The following LAMA4 variants were observed in gnomAD, a reference collection of about 807,000 sequenced individuals.
The protein encoded by LAMA4 is laminin subunit alpha 4, also known as laminin subunit alpha-4.
In LAMA4, 127 loss-of-function variants were observed where a neutral mutation model predicts 207.1. The observed-to-expected ratio is 0.61, with a 90% CI of 0.53 to 0.71. The LOEUF is 0.71. Among genes scored for constraint, LAMA4 ranks in the 30% least tolerant of loss-of-function variants. LAMA4 has a pLI of 0.00. For synonymous variants in LAMA4, 761 were observed against 816.0 expected (o/e 0.93, Z 1.15); for missense variants, 2,093 against 2,246.5 (o/e 0.93, Z 1.38).
intron 19 of LAMA4, among the ~76,000 whole-genome samples, chr6:112,143,826 T>C (rs1228253784): frequency 6.6e-6 from 1 of 152,218 alleles, no homozygotes; most frequent in Non-Finnish European, 1.5e-5. Context: ...AAAACCTAGC[T>C]TTTAGAATGC....
chr6:112,187,284 T>C, intron 8 of LAMA4, 166 bp downstream of exon 8: 3 of 825,224 alleles, frequency 3.6e-6, no homozygotes, highest in Non-Finnish European at 6.0e-6. Context: ...CAACTTTTCA[T>C]AATTTCCTAT....
intron 20 of LAMA4, among the ~76,000 whole-genome samples, chr6:112,141,834 C>T (rs1299819268): frequency 6.6e-6 from 1 of 152,184 alleles, no homozygotes; most frequent in Non-Finnish European, 1.5e-5. Context: ...CAGCATCAAA[C>T]AGAATAGGCT....
chr6:112,193,263 T>A (rs1554349634), intron 5 of LAMA4, among the ~76,000 whole-genome samples: 1 of 152,034 alleles, frequency 6.6e-6, no homozygotes, highest in Non-Finnish European at 1.5e-5. Context: ...GGCTTCAGCA[T>A]GCAGGATGGA....
At chr6:112,247,343 T>C (rs528650250) in intron 2 of LAMA4, among the ~76,000 whole-genome samples, 3 of 152,300 alleles carry the variant, frequency 2.0e-5, no homozygotes, top group African/African-American at 7.2e-5. Flanking sequence ...TGTAAGCCCA[T>C]ATTCTGCCTG....
rs1463303944 is a variant in LAMA4, at chr6:112,118,702, A to ATT, written c.4821+452_4821+453dup. 1.5e-5 allele frequency among the ~76,000 whole-genome samples: 2 copies of ATT among 129,958 alleles called. No homozygotes were observed. The highest frequency in any genetic ancestry group is 6.1e-5 in the African/African-American group (2 of 32,932). 85.3% of individuals were successfully genotyped at this position (129,958 alleles called of 152,430 possible). ...ACCACATTTCCTTATACATTTACAA[A>ATT]TTGTGTGTGTGTGTGTGTATGTGTG... On this transcript the variant is annotated intron_variant, in intron 34 of 38. Transcript: ENST00000230538. This position sits in a 1 kb window ranked among gnomAD's most constrained non-coding sequence, Gnocchi z 4.6.
chr6:112,142,287 T>C lies in LAMA4; in HGVS notation c.2499A>G (p.Gln833=). ...AQTRSVASKI[Q]VSMMFDGQSA... is the part of the protein sequence containing the mutation. The stretch of plus-strand genomic sequence containing the variant: ...ACTGGCCATCAAACATCATGGAGAC[T>C]TGGATCTGGAGTGACACAACGGTTT... Residue 833 remains glutamine (Q), a synonymous_variant, in exon 20 of 39, where the codon CAA becomes CAG. Coordinates refer to ENST00000230538, the MANE Select transcript of LAMA4 (RefSeq NM_001105206.3). 6.2e-7 allele frequency: 1 copy of C among 1,614,106 alleles called. No homozygotes were observed. Among genetic ancestry groups the C allele is most frequent in the Non-Finnish European group, 8.5e-7 (1 of 1,179,994 alleles).
chr6:112,171,877 G>A (rs111388072), intron 12 of LAMA4: 25 of 152,486 alleles, frequency 1.6e-4, no homozygotes, highest in African/African-American at 6.0e-4. Context: ...AGCCACAATA[G>A]TACATAACCG....
At chr6:112,195,772 A>T (rs1303061321) in intron 5 of LAMA4, among the ~76,000 whole-genome samples, 1 of 152,220 alleles carries the variant, frequency 6.6e-6, no homozygotes, top group Non-Finnish European at 1.5e-5. Context: ...TATGGGAGGC[A>T]GTGTGGAATA....
intron 16 of LAMA4, 26 bp downstream of exon 16, chr6:112,154,825 G>A (rs1780607980): frequency 7.3e-7 from 1 of 1,363,414 alleles, no homozygotes; most frequent in Non-Finnish European, 1.1e-6. Context: ...AAATTAGAAA[G>A]GAGATAGGAA....
At position 112,109,446 on chromosome 6, in the gene LAMA4, T is replaced by C. The variant is rs1190346547; in HGVS notation, c.5463A>G (p.Pro1821=). The change falls in exon 39 of 39, where the codon CCA becomes CCG. Residue 1821 remains proline (P), a synonymous_variant. Transcript: ENST00000230538. ...GCTGTGCTCTGTCATGTCAGGCTGC[T>C]GGACAGGAGTTGATGCTTACGGCGC... ...VSGAVSINSC[P]AA 5 of 1,613,836 alleles carry C rather than the reference T, an allele frequency of 3.1e-6. No homozygotes were observed. The Admixed American group carries it at 5.0e-5, about 16-fold the overall frequency.
intron 2 of LAMA4, among the ~76,000 whole-genome samples, chr6:112,235,081 T>C (rs1785818825): frequency 6.6e-6 from 1 of 152,176 alleles, no homozygotes; most frequent in South Asian, 2.1e-4. Context: ...GTGCCCACCA[T>C]TTTGAAAATG....
At chr6:112,134,644 C>T in intron 25 of LAMA4, 35 bp from the exon 26 acceptor site, 2 of 1,514,380 alleles carry the variant, frequency 1.3e-6, no homozygotes, top group South Asian at 1.1e-5. Flanking sequence ...CCTTGATTAA[C>T]TATTTAATAT....
At chr6:112,153,887 A>C (rs973141725) in intron 16 of LAMA4, among the ~76,000 whole-genome samples, 3 of 135,602 alleles carry the variant, frequency 2.2e-5, no homozygotes, top group Non-Finnish European at 4.8e-5. Flanking sequence ...GTTTTATGGG[A>C]AATAAATAAG....
At chr6:112,116,922 T>C (rs1187791574) in intron 35 of LAMA4, among the ~76,000 whole-genome samples, 1 of 152,128 alleles carries the variant, frequency 6.6e-6, no homozygotes, top group African/African-American at 2.4e-5. Flanking sequence ...AGTAAAATCA[T>C]GAGCTAAGCA....
chr6:112,210,522 C>T (rs1394045722), intron 3 of LAMA4, among the ~76,000 whole-genome samples: 1 of 152,128 alleles, frequency 6.6e-6, no homozygotes, highest in African/African-American at 2.4e-5. Flanking sequence ...TGTGCTTGGT[C>T]ACAGGACCAG....
At chr6:112,175,607 A>G (rs1781978251) in intron 10 of LAMA4, 127 bp from the exon 11 acceptor site, 1 of 910,966 alleles carries the variant, frequency 1.1e-6, no homozygotes, top group African/African-American at 1.6e-5. Context: ...ACTCATTCAA[A>G]AGCAGCGTGC....
rs1380165832 is a variant in LAMA4 at position 112,254,097 on chromosome 6, G to A, written c.54C>T (p.Ser18=). ...CGGACGCGGCGCGGGAGCAGGCAGC[G>A]CTCCAGAGGAGCCACAGAGGCAGAA... ...RSVLPLWLLW[S]AACSRAASGD... Residue 18 remains serine (S), a synonymous_variant, in exon 2 of 39, where the codon AGC becomes AGT. Coordinates refer to ENST00000230538, the MANE Select transcript of LAMA4 (RefSeq NM_001105206.3). 1 of 1,612,580 alleles carries A rather than the reference G, an allele frequency of 6.2e-7. No individual in the cohort carries two copies. The highest frequency in any genetic ancestry group is 8.5e-7 in the Non-Finnish European group (1 of 1,179,796).
chr6:112,245,925 G>A (rs1485568079), intron 2 of LAMA4, among the ~76,000 whole-genome samples: 2 of 152,102 alleles, frequency 1.3e-5, no homozygotes, highest in African/African-American at 4.8e-5. Context: ...TTTATGGAGA[G>A]GATTTGGGCT....
chr6:112,179,896 G>C (rs782151412), intron 9 of LAMA4: 7 of 532,552 alleles, frequency 1.3e-5, no homozygotes, highest in Non-Finnish European at 2.3e-5. Flanking sequence ...ACTGTCTTCT[G>C]AGTCATTATA....
Sources: gnomAD v4.1 joint callset for allele counts (sites outside exome capture counted in the v4.1 genomes callset) on GRCh38, gnomAD v4.1.1 for gene constraint, Gnocchi (gnomAD v3.1) non-coding constraint, MANE v1.5 for transcripts, NCBI Gene and HGNC (gene_info 2026-07-23, HGNC 2026-07-21) for gene names.